CTNNA2: variants seen among roughly 807,000 people sequenced by gnomAD.
The protein encoded by CTNNA2 is catenin alpha 2.
A neutral mutation model predicts 101.0 loss-of-function variants in CTNNA2; 42 were observed. The ratio of observed to expected loss-of-function variants is 0.42; its 90% CI spans 0.32 to 0.54. The LOEUF (loss-of-function observed/expected upper bound fraction) is 0.54, where lower values mean the gene tolerates loss of function less well. Among genes scored for constraint, CTNNA2 ranks in the 20% least tolerant of loss-of-function variants. The pLI, the probability that CTNNA2 is intolerant of heterozygous loss-of-function variation, is 0.14. For synonymous variants in CTNNA2, 450 were observed against 456.4 expected, an observed-to-expected ratio of 0.99 and a Z score of 0.18; for missense variants, 871 against 1,223.1, an observed-to-expected ratio of 0.71 and a Z score of 4.29.
intron 1 of CTNNA2, among the ~76,000 whole-genome samples, chr2:79,590,364 T>C (rs891374282): frequency 6.6e-6 from 1 of 152,250 alleles, no homozygotes; most frequent in Admixed American, 6.5e-5. Context: ...ACTGTTCTTA[T>C]TTTTTCAAAT....
chr2:79,851,092 T>C (rs903307934), intron 3 of CTNNA2, among the ~76,000 whole-genome samples: 1 of 152,214 alleles, frequency 6.6e-6, no homozygotes, highest in Admixed American at 6.5e-5. Context: ...TCTGCCTGAT[T>C]CTTATCAAAG....
chr2:79,782,527 G>A (rs547929622), intron 3 of CTNNA2, among the ~76,000 whole-genome samples: 4 of 152,084 alleles, frequency 2.6e-5, no homozygotes, highest in African/African-American at 9.7e-5. Context: ...GTGAGCCACC[G>A]CACCTGGCCT....
chr2:80,598,131 G>A (rs1697147949), intron 15 of CTNNA2, among the ~76,000 whole-genome samples: 2 of 152,114 alleles, frequency 1.3e-5, no homozygotes, highest in South Asian at 4.2e-4. Flanking sequence ...CAGCCATAAA[G>A]AAGAATGAGA....
Position 80,078,532 on chromosome 2 carries a change from C to T in CTNNA2, c.1056+168735C>T, listed in dbSNP as rs1221887637. 2.0e-5 allele frequency among the ~76,000 whole-genome samples: 3 copies of T among 152,310 alleles called. No homozygotes were observed. In the East Asian group the frequency reaches 5.8e-4, roughly 29 times the overall value. On this transcript the variant is annotated intron_variant, in intron 7 of 18. Transcript: ENST00000402739. ...GGTATGTATCCATTCAGCTTTAGAA[C>T]AGCCCCGCGGGCATCTGTATGGTGT...
chr2:79,804,143 C>T (rs1002642665), intron 3 of CTNNA2, among the ~76,000 whole-genome samples: 1 of 152,116 alleles, frequency 6.6e-6, no homozygotes, highest in Non-Finnish European at 1.5e-5. Context: ...ATAATGTTCC[C>T]AGATATGGGA....
At chr2:79,276,833 G>C (rs1244747009) in intron 2 of CTNNA2, among the ~76,000 whole-genome samples, 1 of 151,934 alleles carries the variant, frequency 6.6e-6, no homozygotes, top group Admixed American at 6.6e-5. Context: ...ATTAAATGTT[G>C]TTTACATGAG....
At chr2:79,374,991 A>G (rs1281180270) in intron 4 of CTNNA2, among the ~76,000 whole-genome samples, 1 of 152,170 alleles carries the variant, frequency 6.6e-6, no homozygotes, top group Non-Finnish European at 1.5e-5. Context: ...GAATGGAAAC[A>G]TTTATAATGA....
chr2:80,598,298 G>C (rs1162264287), intron 15 of CTNNA2, among the ~76,000 whole-genome samples: 1 of 152,096 alleles, frequency 6.6e-6, no homozygotes, highest in Non-Finnish European at 1.5e-5. Flanking sequence ...ACTGGGGCCT[G>C]TCAAGGGTTG....
At chr2:80,213,110 CTTT>C (rs1443038857) in intron 7 of CTNNA2, among the ~76,000 whole-genome samples, 1 of 152,034 alleles carries the variant, frequency 6.6e-6, no homozygotes, top group African/African-American at 2.4e-5. Context: ...CTCTTTTCTT[CTTT>C]ATTTGTCTTG....
At chr2:79,402,585 T>C (rs982853798) in intron 4 of CTNNA2, among the ~76,000 whole-genome samples, 2 of 151,680 alleles carry the variant, frequency 1.3e-5, no homozygotes, top group Admixed American at 6.6e-5. Flanking sequence ...AAATATGGTC[T>C]CTCTCTCTGT....
chr2:80,177,018 T>A (rs943021789), intron 7 of CTNNA2, among the ~76,000 whole-genome samples: 7 of 152,168 alleles, frequency 4.6e-5, no homozygotes, highest in Non-Finnish European at 1.0e-4. Context: ...TACACAGCCT[T>A]CTAGAGAACT....
chr2:80,121,974 G>T (rs1298153828), intron 7 of CTNNA2, among the ~76,000 whole-genome samples: 1 of 152,166 alleles, frequency 6.6e-6, no homozygotes, highest in African/African-American at 2.4e-5. Flanking sequence ...GGCTGTGGGT[G>T]TAACAGGGAA....
intron 18 of CTNNA2, among the ~76,000 whole-genome samples, chr2:80,641,376 T>C (rs1673466521): frequency 6.6e-6 from 1 of 152,152 alleles, no homozygotes; most frequent in South Asian, 2.1e-4. Flanking sequence ...ATGATCAGCT[T>C]TTTTGAAAAA....
At chr2:79,338,645 A>ATTCTTCTT (rs1467280230) in intron 3 of CTNNA2, among the ~76,000 whole-genome samples, 36 of 53,952 alleles carry the variant, frequency 6.7e-4, no homozygotes, top group Admixed American at 2.1e-3. Flanking sequence ...TTCTTCTTCA[A>ATTCTTCTT]AGATTCCTCT....
chr2:79,463,007 T>G lies in CTNNA2; in HGVS notation c.-134-42047T>G, dbSNP rs963231406. The stretch of plus-strand genomic sequence containing the variant: ...TTATGTGGTGAAACTCGCTAGACTA[T>G]CAATGCTTACCAGCCCTTGCTGGGT... On this transcript the variant is annotated intron_variant, in intron 4 of 21. Coordinates refer to the CTNNA2 transcript ENST00000466387. 2.0e-5 allele frequency among the ~76,000 whole-genome samples: 3 copies of G among 152,196 alleles called. No homozygotes were observed. In the South Asian group the frequency reaches 6.2e-4, roughly 31 times the overall value.
chr2:80,442,378 G>A (rs1682669678), intron 9 of CTNNA2, among the ~76,000 whole-genome samples: 1 of 152,184 alleles, frequency 6.6e-6, no homozygotes, highest in Non-Finnish European at 1.5e-5. Flanking sequence ...AGAATTCACT[G>A]CCAGGAACGC....
intron 2 of CTNNA2, among the ~76,000 whole-genome samples, chr2:79,678,982 T>G (rs755880384): frequency 6.6e-6 from 1 of 152,196 alleles, no homozygotes; most frequent in African/African-American, 2.4e-5. Flanking sequence ...CTCCCTCCAC[T>G]GTTCAGATTT....
chr2:79,671,491 T>C (rs894362970), intron 2 of CTNNA2, among the ~76,000 whole-genome samples: 1 of 137,562 alleles, frequency 7.3e-6, no homozygotes, highest in African/African-American at 2.7e-5. Flanking sequence ...GATACTTTCA[T>C]ATGAGAAGGA....
At chr2:79,555,284 G>A (rs1277212905) in intron 1 of CTNNA2, among the ~76,000 whole-genome samples, 2 of 152,150 alleles carry the variant, frequency 1.3e-5, no homozygotes, top group Non-Finnish European at 2.9e-5. Flanking sequence ...GGAATATAGT[G>A]TAGCTGAGAA....
Sources: allele counts gnomAD v4.1 joint callset (sites outside exome capture counted in the v4.1 genomes callset), GRCh38; gene constraint gnomAD v4.1.1; transcripts MANE v1.5; gene names NCBI Gene and HGNC (gene_info 2026-07-23, HGNC 2026-07-21).